The following NPAS3 variants were observed in gnomAD, a reference collection of about 807,000 sequenced individuals.
The protein encoded by NPAS3 is neuronal PAS domain protein 3, also known as neuronal PAS domain-containing protein 3.
Under a neutral mutation model 73.1 loss-of-function variants are expected in NPAS3, and 14 were observed. The observed-to-expected ratio is 0.19, with a 90% CI of 0.13 to 0.30. The LOEUF (loss-of-function observed/expected upper bound fraction) is 0.30. Among genes scored for constraint, NPAS3 ranks in the 10% least tolerant of loss-of-function variants. The probability of loss-of-function intolerance (pLI) is 1.00; values close to 1 mark genes in which losing one functional copy is unlikely to be tolerated. For synonymous variants in NPAS3, 620 were observed against 541.5 expected (o/e 1.14, Z -2.01); for missense variants, 1,096 against 1,250.0 (o/e 0.88, Z 1.86).
intron 7 of NPAS3, among the ~76,000 whole-genome samples, chr14:33,747,920 T>C (rs993236795): frequency 6.6e-6 from 1 of 152,180 alleles, no homozygotes; most frequent in Non-Finnish European, 1.5e-5. Flanking sequence ...ATATATCAAG[T>C]GTTCCTTCTG....
At chr14:33,566,233 C>CG (rs367821815) in intron 5 of NPAS3, among the ~76,000 whole-genome samples, 3 of 151,672 alleles carry the variant, frequency 2.0e-5, no homozygotes, top group Non-Finnish European at 4.4e-5. Context: ...TTTTCCCCCC[C>CG]GAAAATGACT....
intron 2 of NPAS3, among the ~76,000 whole-genome samples, chr14:33,114,070 C>G (rs1297810593): frequency 6.6e-6 from 1 of 152,066 alleles, no homozygotes; most frequent in African/African-American, 2.4e-5. Flanking sequence ...GAGTCTTGCT[C>G]TATTGGCCGG....
At chr14:33,442,141 G>C (rs575618305) in intron 4 of NPAS3, among the ~76,000 whole-genome samples, 1 of 152,134 alleles carries the variant, frequency 6.6e-6, no homozygotes, top group Non-Finnish European at 1.5e-5. Flanking sequence ...GGTGAAGACT[G>C]GGGGGAGGAC....
At chr14:33,631,995 T>C (rs1163835562) in intron 5 of NPAS3, among the ~76,000 whole-genome samples, 1 of 152,216 alleles carries the variant, frequency 6.6e-6, no homozygotes, top group Non-Finnish European at 1.5e-5. Context: ...TAGTAGTGAA[T>C]CTGTCGAATA....
chr14:33,035,288 AT>A (rs1327387340), intron 1 of NPAS3, among the ~76,000 whole-genome samples: 3 of 152,162 alleles, frequency 2.0e-5, no homozygotes, highest in Admixed American at 1.3e-4. Flanking sequence ...TATGTGTGTT[AT>A]TATTACCTAG....
intron 3 of NPAS3, 129 bp downstream of exon 3, chr14:33,215,555 C>A: frequency 9.7e-7 from 1 of 1,032,242 alleles, no homozygotes; most frequent in Non-Finnish European, 1.5e-6. Context: ...ATGTGGAAAT[C>A]TGAACTCTGC....
At chr14:33,474,304 A>G (rs2050919586) in intron 4 of NPAS3, among the ~76,000 whole-genome samples, 1 of 152,194 alleles carries the variant, frequency 6.6e-6, no homozygotes, top group South Asian at 2.1e-4. Flanking sequence ...AAATATGTGA[A>G]ATGGAATATT....
intron 3 of NPAS3, among the ~76,000 whole-genome samples, chr14:33,234,928 C>T (rs917573136): frequency 6.6e-6 from 1 of 151,942 alleles, no homozygotes; most frequent in Non-Finnish European, 1.5e-5. Context: ...TGAATAGATA[C>T]GGTATTGTAG....
intron 4 of NPAS3, among the ~76,000 whole-genome samples, chr14:33,482,708 G>C (rs1361874361): frequency 6.6e-6 from 1 of 151,894 alleles, no homozygotes; most frequent in Admixed American, 6.6e-5. Flanking sequence ...GCGAGGTCTG[G>C]TCTCTTTCCT....
chr14:33,301,074 T>C (rs1470174141), intron 3 of NPAS3, among the ~76,000 whole-genome samples: 1 of 151,798 alleles, frequency 6.6e-6, no homozygotes, highest in Admixed American at 6.6e-5. Context: ...CTCATGTTTT[T>C]TCTCAGTCTC....
intron 3 of NPAS3, among the ~76,000 whole-genome samples, chr14:33,325,754 A>G (rs1385571703): frequency 6.8e-6 from 1 of 146,130 alleles, no homozygotes; most frequent in East Asian, 2.0e-4. Context: ...TTTGGTACCC[A>G]TTAACCATCC....
At chr14:33,498,143 T>C (rs1340156050) in intron 4 of NPAS3, among the ~76,000 whole-genome samples, 1 of 152,164 alleles carries the variant, frequency 6.6e-6, no homozygotes, top group Non-Finnish European at 1.5e-5. Context: ...TGCTATGAGA[T>C]GCTATCTCCC....
intron 4 of NPAS3, among the ~76,000 whole-genome samples, chr14:33,524,479 A>G (rs1399451430): frequency 3.9e-5 from 6 of 152,222 alleles, no homozygotes; most frequent in Non-Finnish European, 8.8e-5. Flanking sequence ...TGGCATTCAC[A>G]GAATGACTTG....
chr14:33,107,683 G>A (rs1050230634), intron 2 of NPAS3, among the ~76,000 whole-genome samples: 1 of 152,042 alleles, frequency 6.6e-6, no homozygotes, highest in Non-Finnish European at 1.5e-5. Flanking sequence ...TTGATTTTAT[G>A]TCTTTAAATA....
At chr14:33,017,845 T>C (rs2039450448) in intron 1 of NPAS3, among the ~76,000 whole-genome samples, 1 of 152,192 alleles carries the variant, frequency 6.6e-6, no homozygotes, top group Non-Finnish European at 1.5e-5. Flanking sequence ...TGGACAGAAA[T>C]AGATTTCACT....
At chr14:33,551,303 C>T (rs1411033203) in intron 4 of NPAS3, among the ~76,000 whole-genome samples, 3 of 152,182 alleles carry the variant, frequency 2.0e-5, no homozygotes, top group African/African-American at 4.8e-5. Flanking sequence ...CTTTAATCAT[C>T]GTTACTACTC....
chr14:33,247,000 C>G (rs2048414463), intron 3 of NPAS3, among the ~76,000 whole-genome samples: 1 of 151,666 alleles, frequency 6.6e-6, no homozygotes, highest in Admixed American at 6.6e-5. Context: ...GGTGACAGAG[C>G]AATACCCTGT....
chr14:33,202,848 CTTTG>C (rs2139599566), intron 2 of NPAS3, among the ~76,000 whole-genome samples: 1 of 151,986 alleles, frequency 6.6e-6, no homozygotes, highest in South Asian at 2.1e-4. Flanking sequence ...CTGGAAAATT[CTTTG>C]TTTAAGCTCA....
At chr14:33,483,885 TC>T (rs2051451422) in intron 4 of NPAS3, among the ~76,000 whole-genome samples, 1 of 152,202 alleles carries the variant, frequency 6.6e-6, no homozygotes, top group Non-Finnish European at 1.5e-5. Flanking sequence ...ATACTGCCTT[TC>T]CCCCTAAAAC....
Sources: allele counts gnomAD v4.1 joint callset (sites outside exome capture counted in the v4.1 genomes callset), GRCh38; gene constraint gnomAD v4.1.1; transcripts MANE v1.5; gene names NCBI Gene and HGNC (gene_info 2026-07-23, HGNC 2026-07-21).